Variants in TMEM232 observed in about 807,000 individuals in gnomAD.
The protein encoded by TMEM232 is transmembrane protein 232.
A neutral mutation model predicts 78.8 loss-of-function variants in TMEM232; 80 were observed. The ratio of observed to expected loss-of-function variants is 1.01; its 90% CI spans 0.85 to 1.22. The LOEUF is 1.22. TMEM232 is among the 50% of genes most tolerant of loss of function. The pLI, the probability that TMEM232 is intolerant of heterozygous loss-of-function variation, is 0.00. For synonymous variants in TMEM232, 297 were observed against 254.3 expected, an observed-to-expected ratio of 1.17 and a Z score of -1.60; for missense variants, 881 against 742.2, an observed-to-expected ratio of 1.19 and a Z score of -2.17.
chr5:110,624,491 G>C (rs536010473), intron 7 of TMEM232, among the ~76,000 whole-genome samples: 1 of 151,998 alleles, frequency 6.6e-6, no homozygotes, highest in African/African-American at 2.4e-5. Flanking sequence ...TTCTCTTCAT[G>C]ATCAGTGCTC....
intron 5 of TMEM232, 91 bp downstream of exon 5, chr5:110,638,107 A>G: frequency 1.0e-6 from 1 of 989,900 alleles, no homozygotes; most frequent in Non-Finnish European, 1.4e-6. Context: ...AATAAAACTA[A>G]ATGTTCTGTT....
intron 2 of TMEM232, among the ~76,000 whole-genome samples, chr5:110,661,205 AT>A (rs1789742600): frequency 6.6e-6 from 1 of 152,204 alleles, no homozygotes. Flanking sequence ...TTGTGTATAT[AT>A]ATCACATTTT....
chr5:110,686,440 C>A (rs565002420), intron 1 of TMEM232, among the ~76,000 whole-genome samples: 3 of 151,864 alleles, frequency 2.0e-5, no homozygotes, highest in Admixed American at 2.0e-4. Context: ...TTTGGTTGTC[C>A]AACCCAATCA....
At chr5:110,699,941 A>G (rs1795236777) in intron 1 of TMEM232, among the ~76,000 whole-genome samples, 1 of 152,096 alleles carries the variant, frequency 6.6e-6, no homozygotes, top group African/African-American at 2.4e-5. Context: ...TGTCACTAAG[A>G]AATTCAATCT....
At chr5:110,733,653 A>C (rs1309602507) in intron 2 of TMEM232, among the ~76,000 whole-genome samples, 1 of 152,070 alleles carries the variant, frequency 6.6e-6, no homozygotes, top group African/African-American at 2.4e-5. Context: ...AGACACAAAG[A>C]GGGGACCAAC....
At chr5:110,546,723 TGGAGTAGTGAGAG>T (rs1561666845) in intron 11 of TMEM232, among the ~76,000 whole-genome samples, 19 of 152,252 alleles carry the variant, frequency 1.2e-4, no homozygotes, top group African/African-American at 4.3e-4. Flanking sequence ...CTAATTCACA[TGGAGTAGTGAGAG>T]AGTGTCTGAA....
At chr5:110,672,685 A>C (rs967995500) in intron 1 of TMEM232, among the ~76,000 whole-genome samples, 5 of 152,168 alleles carry the variant, frequency 3.3e-5, no homozygotes, top group East Asian at 3.9e-4. Context: ...TCCCTCCCCC[A>C]AAAATAAACA....
At chr5:110,522,261 G>T (rs571793195) in intron 12 of TMEM232, among the ~76,000 whole-genome samples, 1 of 152,018 alleles carries the variant, frequency 6.6e-6, no homozygotes, top group African/African-American at 2.4e-5. Flanking sequence ...GATTTTATTT[G>T]TTGACTCTGT....
intron 5 of TMEM232, among the ~76,000 whole-genome samples, chr5:110,632,112 C>T (rs578145860): frequency 2.0e-5 from 3 of 152,112 alleles, no homozygotes; most frequent in Admixed American, 2.0e-4. Flanking sequence ...CACTCTAAAC[C>T]ACTGGGAAAT....
At chr5:110,635,988 C>T (rs542233833) in intron 5 of TMEM232, among the ~76,000 whole-genome samples, 1 of 151,768 alleles carries the variant, frequency 6.6e-6, no homozygotes, top group Non-Finnish European at 1.5e-5. Context: ...GCACTCTTCA[C>T]AATAGTAAAG....
chr5:110,498,231 T>C (rs994622051), intron 12 of TMEM232, among the ~76,000 whole-genome samples: 1 of 152,160 alleles, frequency 6.6e-6, no homozygotes, highest in Admixed American at 6.6e-5. Context: ...ATGTCTACTT[T>C]AGTCAATAAA....
chr5:110,646,632 T>C (rs886794146), intron 2 of TMEM232, among the ~76,000 whole-genome samples: 11 of 151,828 alleles, frequency 7.2e-5, no homozygotes, highest in Non-Finnish European at 1.6e-4. Flanking sequence ...CTTCTTGATA[T>C]TGGTCTTCGC....
At chr5:110,613,853 C>T (rs1393963094) in intron 8 of TMEM232, among the ~76,000 whole-genome samples, 2 of 151,744 alleles carry the variant, frequency 1.3e-5, no homozygotes, top group African/African-American at 4.8e-5. Flanking sequence ...CTATACAGGC[C>T]TTTATATAAA....
At chr5:110,636,428 A>C (rs1353866055) in intron 5 of TMEM232, among the ~76,000 whole-genome samples, 2 of 152,064 alleles carry the variant, frequency 1.3e-5, no homozygotes, top group African/African-American at 2.4e-5. Flanking sequence ...GCAAACACAT[A>C]GAAATAATAA....
intron 2 of TMEM232, among the ~76,000 whole-genome samples, chr5:110,406,258 A>ATG (rs1491158533): frequency 1.2e-5 from 1 of 84,600 alleles, no homozygotes; most frequent in African/African-American, 7.3e-5. Flanking sequence ...TATGACACAG[A>ATG]TATATATACA....
chr5:110,606,012 G>A (rs1343903235), intron 9 of TMEM232, among the ~76,000 whole-genome samples, 152 bp downstream of exon 9: 1 of 151,722 alleles, frequency 6.6e-6, no homozygotes, highest in Non-Finnish European at 1.5e-5. Flanking sequence ...ATGATAAATG[G>A]TAACTGTGAA....
chr5:110,640,117 T>G (rs1165453277), intron 4 of TMEM232, among the ~76,000 whole-genome samples: 1 of 152,238 alleles, frequency 6.6e-6, no homozygotes, highest in Admixed American at 6.5e-5. Flanking sequence ...AGCCTCTTCT[T>G]GCTGGTAAAC....
intron 10 of TMEM232, among the ~76,000 whole-genome samples, chr5:110,587,691 A>G (rs7701290): frequency 0.099 from 6,222 of 62,590 alleles, 324 homozygotes; most frequent in Non-Finnish European, 0.11. Context: ...ATATATATAT[A>G]TGTGTGTGTG....
At chr5:110,709,621 G>A (rs183544143) in intron 1 of TMEM232, among the ~76,000 whole-genome samples, 26 of 152,096 alleles carry the variant, frequency 1.7e-4, no homozygotes, top group South Asian at 8.3e-4. Flanking sequence ...TAAACGATGC[G>A]CACCTGAATA....
Sources: allele counts gnomAD v4.1 joint callset (sites outside exome capture counted in the v4.1 genomes callset), GRCh38; gene constraint gnomAD v4.1.1; transcripts MANE v1.5; gene names NCBI Gene and HGNC (gene_info 2026-07-23, HGNC 2026-07-21).